Variants in RASGRP3 observed in about 807,000 individuals in gnomAD.
RASGRP3 encodes the protein ras guanyl-releasing protein 3.
RASGRP3 carries 54 observed loss-of-function variants against 82.7 expected under a neutral mutation model. The ratio of observed to expected loss-of-function variants is 0.65; its 90% CI spans 0.52 to 0.82. The LOEUF is 0.82. RASGRP3 is among the 40% of genes least tolerant of loss of function. The pLI, the probability that RASGRP3 is intolerant of heterozygous loss-of-function variation, is 0.00. For synonymous variants in RASGRP3, 309 were observed against 300.5 expected (o/e 1.03, Z -0.29); for missense variants, 861 against 828.9 (o/e 1.04, Z -0.48).
chr2:33,488,078 T>A (rs1407916218), intron 1 of RASGRP3, among the ~76,000 whole-genome samples: 1 of 152,228 alleles, frequency 6.6e-6, no homozygotes, highest in Non-Finnish European at 1.5e-5. Context: ...CAAGAAAGAT[T>A]AACACAATTC....
intron 1 of RASGRP3, among the ~76,000 whole-genome samples, chr2:33,497,973 C>G (rs558364183): frequency 3.3e-5 from 5 of 151,864 alleles, no homozygotes; most frequent in East Asian, 1.9e-4. Flanking sequence ...TTTTTCCCCT[C>G]CCTTTCTCCA....
intron 2 of RASGRP3, among the ~76,000 whole-genome samples, chr2:33,452,264 G>T (rs914332243): frequency 1.3e-5 from 2 of 151,738 alleles, no homozygotes; most frequent in South Asian, 4.1e-4. Context: ...TTGTTGTTTG[G>T]TGGTGGTGTT....
At chr2:33,467,723 T>C (rs1666783468) in intron 2 of RASGRP3, among the ~76,000 whole-genome samples, 1 of 152,194 alleles carries the variant, frequency 6.6e-6, no homozygotes, top group Non-Finnish European at 1.5e-5. Context: ...GCAGGGGAAG[T>C]TGTACTATCT....
intron 15 of RASGRP3, 35 bp downstream of exon 15, chr2:33,555,602 T>C: frequency 6.6e-7 from 1 of 1,506,834 alleles, no homozygotes; most frequent in East Asian, 2.3e-5. Flanking sequence ...ATTTTTAAAA[T>C]GTGACATTTT....
At chr2:33,442,363 C>T (rs201703157) in intron 1 of RASGRP3, among the ~76,000 whole-genome samples, 9 of 151,960 alleles carry the variant, frequency 5.9e-5, no homozygotes, top group Non-Finnish European at 8.8e-5. Context: ...GACTACGTCT[C>T]GAAAAAAAAT....
At chr2:33,507,559 T>G (rs904705470) in intron 1 of RASGRP3, among the ~76,000 whole-genome samples, 1 of 152,216 alleles carries the variant, frequency 6.6e-6, no homozygotes, top group African/African-American at 2.4e-5. Context: ...TGAGTCTCTC[T>G]ATGTTGCCCA....
chr2:33,540,862 A>T lies in RASGRP3; in HGVS notation c.1278+1652A>T, dbSNP rs1203719957. Among the ~76,000 whole-genome samples, 9 of 64,744 alleles carry T rather than the reference A, an allele frequency of 1.4e-4. 1 individual carries two copies. Among genetic ancestry groups the T allele is most frequent in the East Asian group, 5.3e-4 (2 of 3,748 alleles). The allele number at this position is 64,744 out of a possible 152,430, so 42.5% of individuals were successfully genotyped here. A position where few individuals can be genotyped will look rare whatever the true frequency, so the allele number is the denominator to read the frequency against. ...ATGGCTAAGTAATGATACTGGAATT[A>T]AAAAAAAAAAGGTAATGTTTTCTGA... On this transcript the variant is annotated intron_variant, in intron 12 of 17. Coordinates refer to ENST00000403687, the MANE Select transcript of RASGRP3 (RefSeq NM_001139488.2).
At chr2:33,522,667 T>C (rs1309108647) in intron 7 of RASGRP3, among the ~76,000 whole-genome samples, 1 of 152,192 alleles carries the variant, frequency 6.6e-6, no homozygotes, top group East Asian at 1.9e-4. Flanking sequence ...TTTCTTAGCC[T>C]CCTGCTCTCT....
rs184655583 is a variant in RASGRP3, at chr2:33,550,357, C to A, written c.1542+606C>A. Among the ~76,000 whole-genome samples, 31 of 152,254 alleles carry A rather than the reference C, an allele frequency of 2.0e-4. No individual in the cohort carries two copies. The East Asian group carries it at 5.6e-3, about 27-fold the overall frequency. ...AAGATAGAGGTTCAAAGAGGATAAC[C>A]CAGGTTCCCGAGGATTGCACAGCTA... On this transcript the variant is annotated intron_variant, in intron 14 of 17. Transcript: ENST00000403687.
intron 2 of RASGRP3, among the ~76,000 whole-genome samples, chr2:33,467,052 A>T (rs1478229571): frequency 6.9e-6 from 1 of 144,118 alleles, no homozygotes; most frequent in Non-Finnish European, 1.5e-5. Context: ...CTTATTATAT[A>T]TTAGTAACAT....
intron 10 of RASGRP3, chr2:33,531,820 A>G (rs1241601100): frequency 6.6e-6 from 1 of 151,450 alleles, no homozygotes; most frequent in Admixed American, 6.6e-5. Context: ...TGTGTGGCTT[A>G]TTTGGATTCT....
intron 2 of RASGRP3, among the ~76,000 whole-genome samples, chr2:33,465,110 G>T (rs1167263077): frequency 1.3e-5 from 2 of 152,204 alleles, no homozygotes; most frequent in Non-Finnish European, 2.9e-5. Flanking sequence ...CAGCCAAATT[G>T]TGACTACAAA....
chr2:33,446,640 A>G (rs1665518411), intron 1 of RASGRP3, among the ~76,000 whole-genome samples: 1 of 152,062 alleles, frequency 6.6e-6, no homozygotes, highest in Admixed American at 6.6e-5. Flanking sequence ...CTCCTTGGAG[A>G]AAGGGTGAGG....
chr2:33,522,927 C>T lies in RASGRP3; in HGVS notation c.516+825C>T, dbSNP rs372695222. On this transcript the variant is annotated intron_variant, in intron 7 of 17. Transcript: ENST00000403687. ...CCCCACAGGCAGGCCATGGGAGTCCCCTGCACAGTTTATATGATAGAAAGC... is the reference window on the plus strand; with the variant it reads ...CCCCACAGGCAGGCCATGGGAGTCCTCTGCACAGTTTATATGATAGAAAGC... Among the ~76,000 whole-genome samples, 18 of 152,296 alleles carry T rather than the reference C, an allele frequency of 1.2e-4. No homozygotes were observed. In the East Asian group the frequency reaches 1.7e-3, roughly 15 times the overall value.
In RASGRP3 at chr2:33,539,160, C is replaced by G. The variant is rs766297182; in HGVS notation, c.1228C>G (p.Pro410Ala). 22 of 1,611,466 alleles carry G rather than the reference C, an allele frequency of 1.4e-5. No individual in the cohort carries two copies. The highest frequency in any genetic ancestry group is 1.9e-5 in the Non-Finnish European group (22 of 1,179,026). The change falls in exon 12 of 18, where the codon CCA (proline) becomes GCA (alanine). Residue 410 changes from proline (P) to alanine (A), a missense_variant. Coordinates refer to ENST00000403687, the MANE Select transcript of RASGRP3 (RefSeq NM_001139488.2). ...CCTGGAGTGGGCATTAGGGGTGATGCCAAAGCCAGACCCCACGGTCATCAA... is the reference window on the plus strand; with the variant it reads ...CCTGGAGTGGGCATTAGGGGTGATGGCAAAGCCAGACCCCACGGTCATCAA... ...VPLEWALGVM[P>A]KPDPTVINKH...
intron 1 of RASGRP3, among the ~76,000 whole-genome samples, chr2:33,486,672 T>C (rs1314107982): frequency 6.6e-6 from 1 of 152,172 alleles, no homozygotes; most frequent in Non-Finnish European, 1.5e-5. Context: ...AGAAAGGAGA[T>C]AACTAACTAT....
intron 1 of RASGRP3, among the ~76,000 whole-genome samples, chr2:33,502,501 C>T (rs905748212): frequency 3.7e-5 from 5 of 135,748 alleles, no homozygotes; most frequent in Admixed American, 7.5e-5. Flanking sequence ...TTTTTTCTTT[C>T]TTTTTTTTTT....
chr2:33,438,841 C>G (rs923745888), intron 1 of RASGRP3, among the ~76,000 whole-genome samples: 4 of 152,180 alleles, frequency 2.6e-5, no homozygotes, highest in Non-Finnish European at 5.9e-5. Flanking sequence ...CCCTGGCCTT[C>G]ACATTTAAAT....
chr2:33,452,080 T>C (rs1665829888), intron 2 of RASGRP3, among the ~76,000 whole-genome samples: 1 of 152,190 alleles, frequency 6.6e-6, no homozygotes, highest in Non-Finnish European at 1.5e-5. Flanking sequence ...TTGTTCTTTT[T>C]TATGGTTTCT....
Sources: gnomAD v4.1 joint callset for allele counts (sites outside exome capture counted in the v4.1 genomes callset) on GRCh38, gnomAD v4.1.1 for gene constraint, MANE v1.5 for transcripts, NCBI Gene and HGNC (gene_info 2026-07-23, HGNC 2026-07-21) for gene names.